The following MB21D2 variants were observed in gnomAD, a reference collection of about 807,000 sequenced individuals.
MB21D2 encodes the protein Mab-21 domain containing 2, also known as nucleotidyltransferase MB21D2.
Under a neutral mutation model 33.3 loss-of-function variants are expected in MB21D2, and 9 were observed. The ratio of observed to expected loss-of-function variants is 0.27; its 90% CI spans 0.16 to 0.47. The LOEUF (loss-of-function observed/expected upper bound fraction) is 0.47. Ranked by LOEUF, MB21D2 falls within the 20% of genes least tolerant of loss-of-function variation. The pLI is 0.99. For missense variants in MB21D2, 540 were observed against 624.6 expected (o/e 0.86, Z 1.44); for synonymous variants, 241 against 236.3 (o/e 1.02, Z -0.18).
At chr3:192,911,119 T>G (rs915888732) in intron 1 of MB21D2, among the ~76,000 whole-genome samples, 1 of 152,204 alleles carries the variant, frequency 6.6e-6, no homozygotes, top group Non-Finnish European at 1.5e-5. Flanking sequence ...CAGAATATTG[T>G]CCTTGTTAAA....
chr3:192,835,474 A>AAAG (rs1712417973), intron 1 of MB21D2, among the ~76,000 whole-genome samples: 1 of 151,100 alleles, frequency 6.6e-6, no homozygotes, highest in Admixed American at 6.6e-5. Context: ...AAAAAAAAAA[A>AAAG]AAGTCTTAAA....
intron 1 of MB21D2, among the ~76,000 whole-genome samples, chr3:192,812,173 G>A (rs1381412312): frequency 6.6e-6 from 1 of 151,768 alleles, no homozygotes; most frequent in Admixed American, 6.6e-5. Flanking sequence ...TCAGCCTCCC[G>A]AGTAGCTGGG....
chr3:192,854,224 A>C (rs1435238291), intron 1 of MB21D2, among the ~76,000 whole-genome samples: 1 of 152,246 alleles, frequency 6.6e-6, no homozygotes, highest in South Asian at 2.1e-4. Context: ...ATGCAAAGGA[A>C]AAGTTCTTGA....
intron 1 of MB21D2, among the ~76,000 whole-genome samples, chr3:192,886,264 T>C (rs1713731591): frequency 6.6e-6 from 1 of 152,184 alleles, no homozygotes; most frequent in Non-Finnish European, 1.5e-5. Flanking sequence ...GGTCTATTTT[T>C]ATAATTTTTG....
chr3:192,862,098 G>A (rs1025520735), intron 1 of MB21D2, among the ~76,000 whole-genome samples: 3 of 152,160 alleles, frequency 2.0e-5, no homozygotes, highest in African/African-American at 4.8e-5. Context: ...GTGCTTTGGC[G>A]GCCAAGATTG....
intron 1 of MB21D2, among the ~76,000 whole-genome samples, chr3:192,826,288 G>A (rs1468787640): frequency 6.6e-6 from 1 of 152,166 alleles, no homozygotes; most frequent in East Asian, 1.9e-4. Context: ...TGGTACACAG[G>A]GCTTGTAGGA....
chr3:192,853,799 C>A (rs947848901), intron 1 of MB21D2, among the ~76,000 whole-genome samples: 13 of 152,196 alleles, frequency 8.5e-5, no homozygotes, highest in Non-Finnish European at 1.9e-4. Context: ...ACTTTTCCAA[C>A]TGCAGGGTTC....
chr3:192,847,374 G>A (rs932131940), intron 1 of MB21D2, among the ~76,000 whole-genome samples: 1 of 152,102 alleles, frequency 6.6e-6, no homozygotes, highest in Admixed American at 6.5e-5. Flanking sequence ...AGAGACAGTG[G>A]AAAGAGAATG....
intron 1 of MB21D2, among the ~76,000 whole-genome samples, chr3:192,865,147 G>C (rs1015798784): frequency 4.6e-5 from 7 of 152,212 alleles, no homozygotes; most frequent in Non-Finnish European, 1.0e-4. Context: ...CTTGACAGCT[G>C]TGAACAATCT....
At chr3:192,896,632 C>T (rs1341583256) in intron 1 of MB21D2, among the ~76,000 whole-genome samples, 2 of 152,338 alleles carry the variant, frequency 1.3e-5, no homozygotes, top group African/African-American at 4.8e-5. Flanking sequence ...CACAGAACCA[C>T]AAATTTTGCC....
chr3:192,850,305 G>C (rs1387673958), intron 1 of MB21D2, among the ~76,000 whole-genome samples: 5 of 152,178 alleles, frequency 3.3e-5, no homozygotes, highest in Non-Finnish European at 5.9e-5. Flanking sequence ...CTGAAGGAAA[G>C]AACCTGGGTG....
At position 192,837,339 on chromosome 3, in the gene MB21D2, T is replaced by C. The variant is rs1021730413; in HGVS notation, c.212-37689A>G. On this transcript the variant is annotated intron_variant, in intron 1 of 1. Transcript: ENST00000392452. ...TGTTAAGAGTAAAAGCACACATCAG[T>C]CTCAGCCACAGCACTGGAACATGTC... Among the ~76,000 whole-genome samples the C allele has an allele frequency of 5.9e-5, 9 of 152,042 alleles. 1 individual carries two copies. The highest frequency in any genetic ancestry group is 2.6e-4 in the Admixed American group (4 of 15,272).
At position 192,887,033 on chromosome 3, in the gene MB21D2, T is replaced by C. The variant is rs115738155; in HGVS notation, c.211+30597A>G. On this transcript the variant is annotated intron_variant, in intron 1 of 1. Transcript: ENST00000392452. ...CACTTTCGCCACTGTCCCTAGATTC[T>C]TCACTATACAAACAGGGCTACCAAT... 7.1e-3 allele frequency among the ~76,000 whole-genome samples: 1,080 copies of C among 152,214 alleles called. 20 individuals are homozygous for C. Among genetic ancestry groups the C allele is most frequent in the African/African-American group, 0.025 (1,024 of 41,462 alleles).
chr3:192,828,625 T>TCC (rs1712239886), intron 1 of MB21D2, among the ~76,000 whole-genome samples: 4 of 29,538 alleles, frequency 1.4e-4, no homozygotes, highest in African/African-American at 1.1e-3. Context: ...TATATATATA[T>TCC]ATATATATAT....
At chr3:192,807,873 G>A (rs945988260) in intron 1 of MB21D2, among the ~76,000 whole-genome samples, 5 of 151,844 alleles carry the variant, frequency 3.3e-5, no homozygotes, top group African/African-American at 1.2e-4. Context: ...GACAGGTGAA[G>A]TTATGCTGAG....
At chr3:192,821,766 T>C (rs1712064449) in intron 1 of MB21D2, among the ~76,000 whole-genome samples, 1 of 152,116 alleles carries the variant, frequency 6.6e-6, no homozygotes, top group Admixed American at 6.5e-5. Context: ...ACTGAGTGAT[T>C]TGGAGGTCTA....
At chr3:192,813,884 T>A (rs1056286446) in intron 1 of MB21D2, among the ~76,000 whole-genome samples, 1 of 152,206 alleles carries the variant, frequency 6.6e-6, no homozygotes, top group Admixed American at 6.5e-5. Context: ...CTGCCTGGGT[T>A]ACTGATAAGA....
At chr3:192,883,810 A>G (rs1019143564) in intron 1 of MB21D2, among the ~76,000 whole-genome samples, 3 of 152,114 alleles carry the variant, frequency 2.0e-5, no homozygotes, top group African/African-American at 7.3e-5. Flanking sequence ...CTGAGGCTTA[A>G]ATCACCTTCA....
At chr3:192,862,242 G>A (rs1261628635) in intron 1 of MB21D2, among the ~76,000 whole-genome samples, 2 of 152,212 alleles carry the variant, frequency 1.3e-5, no homozygotes, top group Non-Finnish European at 2.9e-5. Context: ...GTGAGGTAAG[G>A]AAACTATAGA....
Sources: allele counts gnomAD v4.1 joint callset (sites outside exome capture counted in the v4.1 genomes callset), GRCh38; gene constraint gnomAD v4.1.1; transcripts MANE v1.5; gene names NCBI Gene and HGNC (gene_info 2026-07-23, HGNC 2026-07-21).